PRR33: variants seen among roughly 807,000 people sequenced by gnomAD.
PRR33 encodes proline rich 33.
In PRR33, 1 loss-of-function variant was observed where a neutral mutation model predicts 0.5. The ratio of observed to expected loss-of-function variants is 2.18; its 90% CI spans 0.77 to 10.34. PRR33 has a LOEUF of 10.34. Among genes scored for constraint, PRR33 ranks in the 30% most tolerant of loss-of-function variants. The probability of loss-of-function intolerance (pLI) is 0.13; values close to 1 mark genes in which losing one functional copy is unlikely to be tolerated. For missense variants in PRR33, 552 were observed against 251.8 expected (o/e 2.19, Z -8.07); for synonymous variants, 226 against 110.0 (o/e 2.06, Z -6.60).
At chr11:1,907,709 C>G in the PRR33 span, 1 of 152,136 alleles carries the variant, frequency 6.6e-6, no homozygotes. Flanking sequence ...CCACCGCGCC[C>G]GGCCTCTAGC....
chr11:1,890,044 C>T (rs1276202899), exon 1 of PRR33: 2 of 702,954 alleles, frequency 2.8e-6, no homozygotes, highest in African/African-American at 1.8e-5. Context: ...TGGATGTGCA[C>T]CTGGGTGACG....
the PRR33 span, among the ~76,000 whole-genome samples, chr11:1,902,246 A>AAC: frequency 5.3e-5 from 8 of 151,692 alleles, no homozygotes; most frequent in East Asian, 5.8e-4. Context: ...AAAAAAAAAA[A>AAC]ACACACAATT....
chr11:1,907,426 A>G, the PRR33 span, among the ~76,000 whole-genome samples: 1 of 152,170 alleles, frequency 6.6e-6, no homozygotes. Flanking sequence ...TTATTTATCT[A>G]TTCGAGATGG....
chr11:1,916,756 G>A, the PRR33 span, among the ~76,000 whole-genome samples: 10 of 152,278 alleles, frequency 6.6e-5, no homozygotes, highest in African/African-American at 2.4e-4. Context: ...CTGTCCCTCT[G>A]AGCTCTACCC....
At chr11:1,897,004 C>A in the PRR33 span, among the ~76,000 whole-genome samples, 3 of 152,304 alleles carry the variant, frequency 2.0e-5, no homozygotes, top group Admixed American at 6.5e-5. This position sits in a 1 kb window ranked among gnomAD's most constrained non-coding sequence, Gnocchi z 4.0. Flanking sequence ...TGCCGTGTGG[C>A]TGAAGATTGG....
At chr11:1,898,566 A>G in the PRR33 span, among the ~76,000 whole-genome samples, 1 of 151,918 alleles carries the variant, frequency 6.6e-6, no homozygotes, top group African/African-American at 2.4e-5. Context: ...TGCCTCATTT[A>G]CTCCAAACCA....
chr11:1,888,140 C>G (rs1848833477), exon 1 of PRR33, among the ~76,000 whole-genome samples: 1 of 152,174 alleles, frequency 6.6e-6, no homozygotes, highest in Non-Finnish European at 1.5e-5. Context: ...CAGCACCCAT[C>G]ACACCACAGG....
exon 1 of PRR33, chr11:1,890,589 G>C: frequency 1.4e-6 from 1 of 703,310 alleles, no homozygotes; most frequent in South Asian, 1.5e-5. Context: ...GAGCATGACT[G>C]TGTCCTAGGG....
chr11:1,897,912 G>A, the PRR33 span, among the ~76,000 whole-genome samples: 1 of 152,182 alleles, frequency 6.6e-6, no homozygotes, highest in African/African-American at 2.4e-5. This position sits in a 1 kb window ranked among gnomAD's most constrained non-coding sequence, Gnocchi z 4.0. Flanking sequence ...TACCAAGAAT[G>A]TGAAGCATGC....
chr11:1,908,854 T>C, the PRR33 span, among the ~76,000 whole-genome samples: 4 of 152,224 alleles, frequency 2.6e-5, no homozygotes, highest in Non-Finnish European at 5.9e-5. Context: ...CTTTGGTTCC[T>C]GTCTTGGGCT....
At chr11:1,901,250 T>C in the PRR33 span, among the ~76,000 whole-genome samples, 184 of 152,058 alleles carry the variant, frequency 1.2e-3, no homozygotes, top group Non-Finnish European at 2.1e-3. Flanking sequence ...AGGCAGAGGT[T>C]GTGGTGAGCC....
At chr11:1,912,274 TACTGGTTCC>T in the PRR33 span, among the ~76,000 whole-genome samples, 1 of 148,972 alleles carries the variant, frequency 6.7e-6, no homozygotes, top group Non-Finnish European at 1.5e-5. Flanking sequence ...GAGGTTTAAC[TACTGGTTCC>T]TTGTCTTTTT....
chr11:1,898,062 T>C, the PRR33 span, among the ~76,000 whole-genome samples: 1 of 152,174 alleles, frequency 6.6e-6, no homozygotes, highest in Non-Finnish European at 1.5e-5. Context: ...ACCTGATACA[T>C]TCCTCCATGT....
the PRR33 span, among the ~76,000 whole-genome samples, chr11:1,896,971 T>C: frequency 2.0e-5 from 3 of 152,176 alleles, no homozygotes; most frequent in Non-Finnish European, 2.9e-5. Flanking sequence ...CAAACCAAAA[T>C]AGGTTCAGAG....
chr11:1,908,943 C>T, the PRR33 span, among the ~76,000 whole-genome samples: 4 of 152,226 alleles, frequency 2.6e-5, no homozygotes, highest in Admixed American at 6.5e-5. Flanking sequence ...CTTGAGCCTT[C>T]GTGTTGTTTT....
exon 1 of PRR33, chr11:1,889,806 C>A: frequency 1.6e-6 from 1 of 640,984 alleles, no homozygotes; most frequent in South Asian, 1.8e-5. Flanking sequence ...ACTAGCCTCT[C>A]TGGGCACTGA....
upstream of PRR33, chr11:1,891,976 C>G (rs58721142): frequency 1.3e-5 from 2 of 152,370 alleles, no homozygotes; most frequent in African/African-American, 4.8e-5. Flanking sequence ...CTCTGACCAC[C>G]GCCCCCGCCC....
the PRR33 span, among the ~76,000 whole-genome samples, chr11:1,910,640 C>T: frequency 6.6e-6 from 1 of 152,334 alleles, no homozygotes; most frequent in South Asian, 2.1e-4. Flanking sequence ...CGTTAACTTT[C>T]ACCTGCGACT....
the PRR33 span, among the ~76,000 whole-genome samples, chr11:1,914,397 G>A: frequency 6.6e-6 from 1 of 151,410 alleles, no homozygotes; most frequent in African/African-American, 2.4e-5. Flanking sequence ...TGTTGTGTGT[G>A]GGGTCACACA....
Sources: allele counts gnomAD v4.1 joint callset (sites outside exome capture counted in the v4.1 genomes callset), GRCh38; gene constraint gnomAD v4.1.1; non-coding constraint Gnocchi (gnomAD v3.1); transcripts MANE v1.5; gene names NCBI Gene and HGNC (gene_info 2026-07-23, HGNC 2026-07-21).